Variants in VCL observed in about 807,000 individuals in gnomAD.
VCL encodes the protein epididymis luminal protein 114.
Under a neutral mutation model 125.7 loss-of-function variants are expected in VCL, and 47 were observed. That is an observed-to-expected ratio of 0.37 (90% CI 0.30 to 0.48). The LOEUF is 0.48. Ranked by LOEUF, VCL falls within the 20% of genes least tolerant of loss-of-function variation. VCL has a pLI of 0.99. For missense variants in VCL, 1,069 were observed against 1,455.5 expected (o/e 0.73, Z 4.32); for synonymous variants, 458 against 514.6 (o/e 0.89, Z 1.49).
chr10:74,119,190 T>A lies in VCL; in HGVS notation c.*1021T>A, dbSNP rs1840364454. 1 of 152,658 alleles carries A rather than the reference T, an allele frequency of 6.6e-6. No homozygotes were observed. The highest frequency in any genetic ancestry group is 1.5e-5 in the Non-Finnish European group (1 of 68,040). The allele number at this position is 152,658 out of a possible 1,614,324, so 9.5% of individuals were successfully genotyped here. On this transcript the variant is annotated 3_prime_UTR_variant, in exon 22 of 22. Coordinates refer to ENST00000211998, the MANE Select transcript of VCL (RefSeq NM_014000.3). Reference sequence around the variant, plus strand: ...GTTTTTGTAGCCTTCCTCCACATCCTTTCTAAACAAGATTTTAAAGACATG... The same window carrying A: ...GTTTTTGTAGCCTTCCTCCACATCCATTCTAAACAAGATTTTAAAGACATG...
chr10:74,115,848 C>A (rs1840304048), intron 21 of VCL, among the ~76,000 whole-genome samples: 1 of 152,208 alleles, frequency 6.6e-6, no homozygotes, highest in African/African-American at 2.4e-5. Flanking sequence ...TATACCTTGG[C>A]AGTCACCCAA....
intron 20 of VCL, 100 bp from the exon 21 acceptor site, chr10:74,114,695 G>A: frequency 7.7e-7 from 1 of 1,304,038 alleles, no homozygotes; most frequent in Non-Finnish European, 1.1e-6. Context: ...TGCCTTTTCT[G>A]TGCCAGCCAC....
rs1323545134 is a variant in VCL at position 74,043,176 on chromosome 10, T to C, written c.239+23T>C. 11 of 1,598,246 alleles carry C rather than the reference T, an allele frequency of 6.9e-6. No homozygotes were observed. The East Asian group carries it at 9.0e-5, about 13-fold the overall frequency. On this transcript the variant is annotated intron_variant, in intron 2 of 21. Transcript: ENST00000211998. ...TAAGTGAGTAATTGAAATATTCTTC[T>C]GTTGCTAAGCAGAATAATACTCTTG...
chr10:74,091,868 C>T (rs543729957), intron 10 of VCL, among the ~76,000 whole-genome samples: 4 of 148,432 alleles, frequency 2.7e-5, no homozygotes, highest in South Asian at 2.2e-4. Context: ...GCTGTTCTGG[C>T]GCGGATGGGC....
intron 1 of VCL, among the ~76,000 whole-genome samples, chr10:74,027,092 G>A (rs1840785022): frequency 6.6e-6 from 1 of 152,122 alleles, no homozygotes; most frequent in Non-Finnish European, 1.5e-5. Context: ...AAATAAGGAT[G>A]CATTTTAAAT....
At chr10:73,998,560 C>G (rs909677243) in intron 1 of VCL, among the ~76,000 whole-genome samples, 185 bp downstream of exon 1, 1 of 152,208 alleles carries the variant, frequency 6.6e-6, no homozygotes, top group Non-Finnish European at 1.5e-5. Flanking sequence ...TGAGCCTCTC[C>G]GGGCCTCAGT....
intron 1 of VCL, among the ~76,000 whole-genome samples, chr10:74,024,726 T>G (rs1840740786): frequency 6.6e-6 from 1 of 152,344 alleles, no homozygotes; most frequent in South Asian, 2.1e-4. Flanking sequence ...ATTTTAAAAG[T>G]TACTTAAGGC....
Position 74,031,478 on chromosome 10 carries a change from T to C in VCL, c.169-11605T>C, listed in dbSNP as rs931125475. ...ACTCCAAATGGATCACAGACCTAAC[T>C]ATAAGAGCTAAAACTATAAAATTCT... On this transcript the variant is annotated intron_variant, in intron 1 of 21. Transcript: ENST00000211998. 5.3e-4 allele frequency among the ~76,000 whole-genome samples: 80 copies of C among 152,166 alleles called. 4 individuals are homozygous for C. Among genetic ancestry groups the C allele is most frequent in the Non-Finnish European group, 8.8e-5 (6 of 68,032 alleles).
chr10:74,075,012 T>A, intron 6 of VCL, 109 bp downstream of exon 6: 1 of 1,346,542 alleles, frequency 7.4e-7, no homozygotes, highest in Non-Finnish European at 1.0e-6. Flanking sequence ...AGCATAAGAG[T>A]ACTCAGATAT....
chr10:74,019,535 G>C (rs1321492435), intron 1 of VCL, among the ~76,000 whole-genome samples: 1 of 152,100 alleles, frequency 6.6e-6, no homozygotes, highest in East Asian at 1.9e-4. Flanking sequence ...GCGCTGGTGA[G>C]ACACTGGGGT....
At chr10:74,100,825 G>T (rs576692046) in intron 13 of VCL, 123 bp from the exon 14 acceptor site, 85 of 1,175,868 alleles carry the variant, frequency 7.2e-5, no homozygotes, top group Non-Finnish European at 1.0e-4. Context: ...ATTAACTAGG[G>T]TTTGATGTCA....
At chr10:74,069,103 G>T in intron 2 of VCL, among the ~76,000 whole-genome samples, 1 of 151,794 alleles carries the variant, frequency 6.6e-6, no homozygotes, top group African/African-American at 2.4e-5. Flanking sequence ...TGTCACCCAG[G>T]CTGGAGTGCA....
chr10:74,059,436 G>T (rs1296192267), intron 2 of VCL, among the ~76,000 whole-genome samples: 1 of 149,362 alleles, frequency 6.7e-6, no homozygotes, highest in African/African-American at 2.5e-5. Context: ...ACGGAGTCTC[G>T]CCCTGTCACG....
At chr10:74,032,336 C>T (rs1333433854) in intron 1 of VCL, among the ~76,000 whole-genome samples, 1 of 151,024 alleles carries the variant, frequency 6.6e-6, no homozygotes, top group East Asian at 1.9e-4. Context: ...CTGCAAAGGA[C>T]ACTATCAAGA....
At chr10:74,110,335 G>C (rs1840201776) in intron 18 of VCL, among the ~76,000 whole-genome samples, 2 of 152,204 alleles carry the variant, frequency 1.3e-5, no homozygotes, top group South Asian at 4.1e-4. Context: ...AAACTTAAAA[G>C]CAGACAGCAT....
intron 2 of VCL, among the ~76,000 whole-genome samples, chr10:74,069,921 T>G (rs1841637165): frequency 6.6e-6 from 1 of 152,214 alleles, no homozygotes; most frequent in Non-Finnish European, 1.5e-5. Flanking sequence ...TATATTAATA[T>G]TAAACTATTA....
chr10:74,070,861 A>G (rs1044341365), intron 3 of VCL, 41 bp downstream of exon 3: 1 of 1,613,260 alleles, frequency 6.2e-7, no homozygotes, highest in Admixed American at 1.7e-5. Flanking sequence ...TGAAGATAAT[A>G]ATGGAAGATT....
intron 2 of VCL, among the ~76,000 whole-genome samples, chr10:74,059,409 CT>C (rs763857475): frequency 0.05 from 7,283 of 144,666 alleles, 234 homozygotes; most frequent in Non-Finnish European, 0.076. Context: ...TGCACCCATA[CT>C]TTTTTTTTTT....
chr10:74,009,410 C>T (rs1250585952), intron 1 of VCL, among the ~76,000 whole-genome samples: 1 of 151,854 alleles, frequency 6.6e-6, no homozygotes. Flanking sequence ...AGGCGCCTGC[C>T]ACCACGCCCG....
Sources: allele counts gnomAD v4.1 joint callset (sites outside exome capture counted in the v4.1 genomes callset), GRCh38; gene constraint gnomAD v4.1.1; transcripts MANE v1.5; gene names NCBI Gene and HGNC (gene_info 2026-07-23, HGNC 2026-07-21).